Variants in KIAA2012 observed in about 807,000 individuals in gnomAD.
The protein encoded by KIAA2012 is KIAA2012, also known as uncharacterized protein KIAA2012.
In KIAA2012, 125 loss-of-function variants were observed where a neutral mutation model predicts 150.6. The observed-to-expected ratio is 0.83, with a 90% CI of 0.72 to 0.96. The LOEUF is 0.96. KIAA2012 is among the 40% of genes least tolerant of loss of function. The pLI, the probability that KIAA2012 is intolerant of heterozygous loss-of-function variation, is 0.00. For missense variants in KIAA2012, 1,219 were observed against 1,354.9 expected (o/e 0.90, Z 1.57); for synonymous variants, 462 against 504.7 (o/e 0.92, Z 1.13).
chr2:202,202,931 GA>G (rs34202403), intron 23 of KIAA2012, among the ~76,000 whole-genome samples: 1,345 of 125,960 alleles, frequency 0.011, 20 homozygotes, highest in African/African-American at 0.034. Context: ...TGTCTCTTAA[GA>G]AAAAAAAAAA....
At chr2:202,158,185 G>A (rs975682368) in intron 14 of KIAA2012, among the ~76,000 whole-genome samples, 5 of 152,066 alleles carry the variant, frequency 3.3e-5, no homozygotes, top group African/African-American at 9.7e-5. Context: ...TAGTAGAGAC[G>A]GGGTTTCACC....
chr2:202,118,254 T>C (rs1389385603), intron 11 of KIAA2012, among the ~76,000 whole-genome samples: 1 of 152,096 alleles, frequency 6.6e-6, no homozygotes, highest in Non-Finnish European at 1.5e-5. Flanking sequence ...TCATGAGAAA[T>C]AATGTTGGCA....
intron 14 of KIAA2012, among the ~76,000 whole-genome samples, chr2:202,157,128 G>A (rs913552860): frequency 6.6e-6 from 1 of 152,058 alleles, no homozygotes; most frequent in African/African-American, 2.4e-5. Flanking sequence ...GTACACGCTC[G>A]GTACACTTTC....
intron 12 of KIAA2012, among the ~76,000 whole-genome samples, chr2:202,133,556 T>C (rs557955839): frequency 1.1e-3 from 167 of 152,268 alleles, no homozygotes; most frequent in African/African-American, 3.8e-3. Flanking sequence ...ATTTACTGGG[T>C]ACTTCCATAT....
chr2:202,099,788 ATC>A lies in KIAA2012; in HGVS notation c.1007_1008del (p.Leu336GlnfsTer3). 2 of 1,549,296 alleles carry A rather than the reference ATC, an allele frequency of 1.3e-6. No homozygotes were observed. The highest frequency in any genetic ancestry group is 8.7e-7 in the Non-Finnish European group (1 of 1,146,484). ...GGCGCCTTCCCTAATAGGAAGGCAG[ATC>A]TCAGCGGTAAGAACTCAAATGTCTT... is the stretch of plus-strand genomic sequence containing the variant. On this transcript the variant is annotated frameshift_variant, in exon 6 of 24. Coordinates refer to ENST00000498697, the MANE Select transcript of KIAA2012 (RefSeq NM_001277372.4). LOFTEE classifies it high-confidence loss of function.
intron 14 of KIAA2012, among the ~76,000 whole-genome samples, chr2:202,164,899 G>C (rs142272157): frequency 3.3e-5 from 5 of 151,890 alleles, no homozygotes; most frequent in Admixed American, 2.0e-4. Context: ...AGCTAACAGT[G>C]CTTGATGCTG....
At chr2:202,130,206 A>G (rs1479806636) in intron 12 of KIAA2012, among the ~76,000 whole-genome samples, 5 of 152,222 alleles carry the variant, frequency 3.3e-5, no homozygotes, top group Non-Finnish European at 7.3e-5. Context: ...GCCTTTATTT[A>G]TAGTCTCATT....
At chr2:202,168,368 G>A (rs576171923) in intron 15 of KIAA2012, among the ~76,000 whole-genome samples, 18 of 145,928 alleles carry the variant, frequency 1.2e-4, no homozygotes, top group Admixed American at 9.8e-4. Flanking sequence ...GCAGTGAGCC[G>A]AGATTGTGCC....
chr2:202,137,526 A>G (rs1691097059), intron 12 of KIAA2012: 2 of 152,164 alleles, frequency 1.3e-5, no homozygotes, highest in South Asian at 4.1e-4. Context: ...CTTGTTGGCC[A>G]GACTGGTCTC....
chr2:202,103,662 A>AT (rs1360357790), intron 8 of KIAA2012, among the ~76,000 whole-genome samples: 1 of 152,178 alleles, frequency 6.6e-6, no homozygotes, highest in Non-Finnish European at 1.5e-5. Flanking sequence ...CCAAAAAGTC[A>AT]TTTTCCTGAT....
At chr2:202,200,427 T>C (rs1203263848) in intron 22 of KIAA2012, among the ~76,000 whole-genome samples, 1 of 152,080 alleles carries the variant, frequency 6.6e-6, no homozygotes, top group Non-Finnish European at 1.5e-5. Context: ...ACGGGATCTG[T>C]GCTTGGGGCA....
chr2:202,149,977 A>G (rs1299425935), intron 13 of KIAA2012, among the ~76,000 whole-genome samples: 2 of 152,218 alleles, frequency 1.3e-5, no homozygotes, highest in African/African-American at 2.4e-5. Context: ...TGTTCTCTTT[A>G]AGTTTTGCTA....
intron 6 of KIAA2012, among the ~76,000 whole-genome samples, 162 bp from the exon 7 acceptor site, chr2:202,100,145 G>T (rs1348599652): frequency 6.6e-6 from 1 of 152,116 alleles, no homozygotes; most frequent in Non-Finnish European, 1.5e-5. Flanking sequence ...CAGGAGACTG[G>T]GGCTCTCTGA....
At position 202,108,387 on chromosome 2, in the gene KIAA2012, C is replaced by A. The variant is rs148809708; in HGVS notation, c.1475-1226C>A. Among the ~76,000 whole-genome samples, 3 of 152,306 alleles carry A rather than the reference C, an allele frequency of 2.0e-5. No individual in the cohort carries two copies. The East Asian group carries it at 5.8e-4, about 29-fold the overall frequency. On this transcript the variant is annotated intron_variant, in intron 9 of 23. Transcript: ENST00000498697. The stretch of plus-strand genomic sequence containing the variant: ...CTGGTGTAATAGTACTTTCTAATTT[C>A]TAATTCATAGTCACATTTCTCTATT...
At chr2:202,138,201 A>T in intron 12 of KIAA2012, 1 of 329,104 alleles carries the variant, frequency 3.0e-6, no homozygotes, top group Non-Finnish European at 5.5e-6. Context: ...CAAGAATAAT[A>T]TATGTTTGAA....
intron 9 of KIAA2012, among the ~76,000 whole-genome samples, chr2:202,106,577 C>T (rs1001252454): frequency 3.2e-4 from 49 of 152,202 alleles, no homozygotes; most frequent in African/African-American, 1.2e-3. Context: ...ATCCCCGCTA[C>T]TCGGGTGGCT....
At chr2:202,094,503 T>C (rs1689813594) in intron 4 of KIAA2012, among the ~76,000 whole-genome samples, 1 of 152,042 alleles carries the variant, frequency 6.6e-6, no homozygotes, top group Non-Finnish European at 1.5e-5. Context: ...TCTTTTTATT[T>C]TCTTTTATTT....
At chr2:202,183,188 G>A (rs1002536845) in intron 15 of KIAA2012, among the ~76,000 whole-genome samples, 1 of 152,138 alleles carries the variant, frequency 6.6e-6, no homozygotes, top group Non-Finnish European at 1.5e-5. Context: ...TGGAAGCTGA[G>A]GCGGGCGGAT....
chr2:202,174,599 TA>T (rs777702082), intron 15 of KIAA2012, among the ~76,000 whole-genome samples: 1 of 152,178 alleles, frequency 6.6e-6, no homozygotes, highest in Non-Finnish European at 1.5e-5. Flanking sequence ...AAGGAATTGT[TA>T]TTATGGAAAA....
Sources: allele counts gnomAD v4.1 joint callset (sites outside exome capture counted in the v4.1 genomes callset), GRCh38; gene constraint gnomAD v4.1.1; transcripts MANE v1.5; gene names NCBI Gene and HGNC (gene_info 2026-07-23, HGNC 2026-07-21).